Variants in PACSIN2 observed in about 807,000 individuals in gnomAD.
The protein encoded by PACSIN2 is protein kinase C and casein kinase substrate in neurons protein 2.
Under a neutral mutation model 63.8 loss-of-function variants are expected in PACSIN2, and 25 were observed. The observed-to-expected ratio is 0.39, with a 90% CI of 0.29 to 0.55. The LOEUF (loss-of-function observed/expected upper bound fraction) is 0.55, where lower values mean the gene tolerates loss of function less well. Among genes scored for constraint, PACSIN2 ranks in the 20% least tolerant of loss-of-function variants. PACSIN2 has a pLI of 0.62. For missense variants in PACSIN2, 518 were observed against 646.9 expected (o/e 0.80, Z 2.16); for synonymous variants, 255 against 256.2 (o/e 1.00, Z 0.05).
intron 5 of PACSIN2, among the ~76,000 whole-genome samples, chr22:42,885,250 G>A (rs1473383241): frequency 6.6e-6 from 1 of 152,194 alleles, no homozygotes; most frequent in Non-Finnish European, 1.5e-5. Flanking sequence ...ATCTGGTGGG[G>A]ATGTGCCTCG....
chr22:42,909,624 C>G (rs1931317376), intron 2 of PACSIN2: 1 of 470,366 alleles, frequency 2.1e-6, no homozygotes, highest in Non-Finnish European at 4.4e-6. Flanking sequence ...TGAGCATTTT[C>G]AGGCAAAAGG....
chr22:42,976,091 T>A lies in PACSIN2; in HGVS notation c.-78+38930A>T, dbSNP rs150527117. Among the ~76,000 whole-genome samples, 102 of 152,312 alleles carry A rather than the reference T, an allele frequency of 6.7e-4. 2 individuals carry two copies. The East Asian group carries it at 0.019, about 29-fold the overall frequency. On this transcript the variant is annotated intron_variant, in intron 1 of 10. Transcript: ENST00000263246. ...TCTGTCATTTGGAGAACATTCATCATCTTATTTTGCATGTAGGAGAGGAAA... is the reference window on the plus strand; with the variant it reads ...TCTGTCATTTGGAGAACATTCATCAACTTATTTTGCATGTAGGAGAGGAAA...
intron 1 of PACSIN2, among the ~76,000 whole-genome samples, chr22:42,997,283 G>C (rs1490435219): frequency 3.3e-5 from 5 of 152,242 alleles, no homozygotes; most frequent in Admixed American, 6.5e-5. Context: ...ATTTGGCCAG[G>C]CACAGTGGCT....
chr22:42,931,723 T>C (rs968073818), intron 1 of PACSIN2, among the ~76,000 whole-genome samples: 6 of 152,164 alleles, frequency 3.9e-5, no homozygotes, highest in African/African-American at 1.2e-4. Flanking sequence ...ACACTATTAA[T>C]AGTTACATTT....
At chr22:42,888,354 C>A (rs1449540203) in intron 5 of PACSIN2, among the ~76,000 whole-genome samples, 15 of 152,208 alleles carry the variant, frequency 9.9e-5, no homozygotes. Context: ...CAAGCAGCTC[C>A]CTGCAGCAAT....
chr22:42,871,143 T>C lies in PACSIN2; in HGVS notation c.*214A>G. On this transcript the variant is annotated 3_prime_UTR_variant, in exon 11 of 11. Coordinates refer to ENST00000263246, the MANE Select transcript of PACSIN2 (RefSeq NM_001184970.3). This position sits in a 1 kb window ranked among gnomAD's most constrained non-coding sequence, Gnocchi z 5.4. ...GGGGAGGGGCGGCTATTTCTGTTGT[T>C]CTGCGTCTTCCTGCGCTCAGATCCC... 3.4e-6 allele frequency: 2 copies of C among 586,648 alleles called. No homozygotes were observed. Among genetic ancestry groups the C allele is most frequent in the Non-Finnish European group, 6.1e-6 (2 of 327,024 alleles). The allele number at this position is 586,648 out of a possible 1,614,324, so 36.3% of individuals were successfully genotyped here. A position where few individuals can be genotyped will look rare whatever the true frequency, so the allele number is the denominator to read the frequency against.
intron 2 of PACSIN2, among the ~76,000 whole-genome samples, chr22:42,906,694 G>A (rs1051641468): frequency 6.6e-6 from 1 of 152,194 alleles, no homozygotes. Context: ...ACAGTGCTCT[G>A]AAGAGCAGGC....
chr22:42,954,567 A>AT (rs1433996579), intron 1 of PACSIN2, among the ~76,000 whole-genome samples: 1 of 151,986 alleles, frequency 6.6e-6, no homozygotes, highest in African/African-American at 2.4e-5. Flanking sequence ...CTAATTTTTT[A>AT]TTTTTTATAG....
intron 1 of PACSIN2, among the ~76,000 whole-genome samples, chr22:42,920,266 C>A (rs1046295183): frequency 3.9e-5 from 6 of 152,202 alleles, no homozygotes; most frequent in African/African-American, 1.4e-4. Flanking sequence ...GACCTGAACT[C>A]ACTCTCACGG....
At chr22:42,972,002 G>A (rs900342411) in intron 1 of PACSIN2, among the ~76,000 whole-genome samples, 3 of 152,220 alleles carry the variant, frequency 2.0e-5, no homozygotes, top group Non-Finnish European at 4.4e-5. Context: ...ACCCCGTCTG[G>A]GAGGTGTACC....
chr22:42,900,333 GA>G (rs1470280937), intron 2 of PACSIN2, among the ~76,000 whole-genome samples: 1 of 152,200 alleles, frequency 6.6e-6, no homozygotes, highest in Non-Finnish European at 1.5e-5. Flanking sequence ...GCCACACACT[GA>G]GTGATTTTCA....
At position 42,884,377 on chromosome 22, in the gene PACSIN2, G is replaced by A. The variant is rs751571741; in HGVS notation, c.785+9C>T. On this transcript the variant is annotated intron_variant, in intron 6 of 10. Transcript: ENST00000263246. ...ATGACGTGTGTGTTTTAGCTCAAAG[G>A]AAACTTACCCAGCCACATTGGACAG... 1.9e-6 allele frequency: 3 copies of A among 1,607,382 alleles called. No individual in the cohort carries two copies. The highest frequency in any genetic ancestry group is 1.7e-5 in the Admixed American group (1 of 58,280).
chr22:42,877,062 G>A (rs1406160263), intron 8 of PACSIN2, 52 bp from the exon 9 acceptor site: 6 of 1,603,330 alleles, frequency 3.7e-6, no homozygotes, highest in African/African-American at 1.3e-5. Context: ...GGGCCCGTGA[G>A]GGTCCTGGCA....
At chr22:42,930,178 G>A (rs977389283) in intron 1 of PACSIN2, among the ~76,000 whole-genome samples, 2 of 152,210 alleles carry the variant, frequency 1.3e-5, no homozygotes, top group Admixed American at 1.3e-4. Context: ...TGACAGTGTG[G>A]TGTGCCCACC....
chr22:42,903,452 G>A (rs1024529473), intron 2 of PACSIN2, among the ~76,000 whole-genome samples: 1 of 152,150 alleles, frequency 6.6e-6, no homozygotes, highest in Non-Finnish European at 1.5e-5. Flanking sequence ...AGAGTAACAG[G>A]GGTCCTTGAA....
intron 3 of PACSIN2, 46 bp from the exon 4 acceptor site, chr22:42,891,228 T>C (rs779760676): frequency 1.5e-5 from 20 of 1,339,536 alleles, no homozygotes; most frequent in African/African-American, 7.2e-5. Context: ...CCGGCCATGG[T>C]GGGGTCTGCT....
chr22:42,982,891 C>CAAAAAAAAAAAA (rs1227335781), intron 1 of PACSIN2, among the ~76,000 whole-genome samples: 3 of 82,706 alleles, frequency 3.6e-5, no homozygotes, highest in African/African-American at 1.2e-4. Context: ...AAAAAAAAAA[C>CAAAAAAAAAAAA]AACAACAAGG....
intron 1 of PACSIN2, among the ~76,000 whole-genome samples, chr22:42,961,394 T>C (rs951372302): frequency 2.0e-5 from 3 of 148,362 alleles, no homozygotes; most frequent in Non-Finnish European, 4.4e-5. Context: ...TCCACTATTG[T>C]CCTATGACCC....
At chr22:42,975,529 C>T (rs2146875675) in intron 1 of PACSIN2, among the ~76,000 whole-genome samples, 1 of 147,930 alleles carries the variant, frequency 6.8e-6, no homozygotes, top group African/African-American at 2.5e-5. Flanking sequence ...ATGAAATTTG[C>T]AGATTACTTA....
Sources: allele counts gnomAD v4.1 joint callset (sites outside exome capture counted in the v4.1 genomes callset), GRCh38; gene constraint gnomAD v4.1.1; non-coding constraint Gnocchi (gnomAD v3.1); transcripts MANE v1.5; gene names NCBI Gene and HGNC (gene_info 2026-07-23, HGNC 2026-07-21).